The following VPS13D variants were observed in gnomAD, a reference collection of about 807,000 sequenced individuals.
VPS13D encodes the protein vacuolar protein sorting 13 homolog D.
In VPS13D, 187 loss-of-function variants were observed where a neutral mutation model predicts 461.9. That is an observed-to-expected ratio of 0.40 (90% confidence interval 0.36 to 0.46). The LOEUF (loss-of-function observed/expected upper bound fraction) is 0.46, where lower values mean the gene tolerates loss of function less well. Among genes scored for constraint, VPS13D ranks in the 20% least tolerant of loss-of-function variants. The probability of loss-of-function intolerance (pLI) is 0.60; values close to 1 mark genes in which losing one functional copy is unlikely to be tolerated. For missense variants in VPS13D, 4,711 were observed against 5,364.9 expected (o/e 0.88, Z 3.81); for synonymous variants, 1,951 against 1,986.3 (o/e 0.98, Z 0.47).
chr1:12,483,385 G>C (rs931379838), intron 67 of VPS13D, among the ~76,000 whole-genome samples: 6 of 152,164 alleles, frequency 3.9e-5, no homozygotes, highest in Admixed American at 6.5e-5. Context: ...TCGTGTTTCA[G>C]TTGGCCATTT....
chr1:12,347,902 G>C (rs908250317), intron 44 of VPS13D, among the ~76,000 whole-genome samples: 1 of 152,172 alleles, frequency 6.6e-6, no homozygotes, highest in Non-Finnish European at 1.5e-5. Flanking sequence ...TTGAATGTGT[G>C]AATGAACATA....
chr1:12,287,863 A>G (rs565669964), intron 21 of VPS13D, among the ~76,000 whole-genome samples: 2 of 152,200 alleles, frequency 1.3e-5, no homozygotes. Flanking sequence ...TGAAAAATTT[A>G]TCAAAATGAG....
In VPS13D at chr1:12,400,221, T is replaced by C; in HGVS notation, c.11675T>C (p.Leu3892Pro). Residue 3892 changes from leucine (L) to proline (P), a missense_variant, in exon 61 of 70, where the codon CTC (leucine) becomes CCC (proline). Around this residue, in one of 3 missense-constraint regions of VPS13D, gnomAD observed 4,411 missense variants for 4,937.8 expected, o/e 0.89. Transcript: ENST00000620676. The part of the protein sequence containing the change: ...QLIGTTQPFM[L>P]YVTPLSNENE... ...ATTGGTACCACGCAGCCCTTCATGC[T>C]CTATGTGACTCCCCTGAGCAATGAG... is the stretch of plus-strand genomic sequence containing the variant. 1 of 1,614,144 alleles carries C rather than the reference T, an allele frequency of 6.2e-7. No individual in the cohort carries two copies. Among genetic ancestry groups the C allele is most frequent in the Non-Finnish European group, 8.5e-7 (1 of 1,180,026 alleles).
At chr1:12,312,051 CTTTTGGT>C in intron 29 of VPS13D, 126 bp downstream of exon 29, 1 of 627,114 alleles carries the variant, frequency 1.6e-6, no homozygotes, top group Non-Finnish European at 2.5e-6. Flanking sequence ...TGCAGAGTGT[CTTTTGGT>C]TGATCTACAC....
intron 65 of VPS13D, among the ~76,000 whole-genome samples, chr1:12,450,602 G>A (rs938321281): frequency 6.6e-6 from 1 of 152,156 alleles, no homozygotes. Context: ...TAGGGCAGCC[G>A]CAGCTCCTAG....
chr1:12,347,215 G>T (rs886870851), intron 44 of VPS13D, among the ~76,000 whole-genome samples: 1 of 151,812 alleles, frequency 6.6e-6, no homozygotes, highest in African/African-American at 2.4e-5. Context: ...CTGTTGCCCA[G>T]GCTGGAATGC....
In VPS13D at chr1:12,315,137, T is replaced by C. The variant is rs1569883690; in HGVS notation, c.7148+810T>C. 2.6e-5 allele frequency among the ~76,000 whole-genome samples: 4 copies of C among 152,344 alleles called. 1 individual carries two copies. The South Asian group carries it at 8.3e-4, about 32-fold the overall frequency. ...ATTAGGCCTGGTCTAAAGAAGTCTT[T>C]CAGTGAAAACCCAAAAAGGAGACCC... On this transcript the variant is annotated intron_variant, in intron 30 of 69. Transcript: ENST00000620676.
At position 12,506,939 on chromosome 1, in the gene VPS13D, A is replaced by G. The variant is rs749600069; in HGVS notation, c.12881A>G (p.Asp4294Gly). 1 of 1,614,268 alleles carries G rather than the reference A, an allele frequency of 6.2e-7. No homozygotes were observed. The highest frequency in any genetic ancestry group is 8.5e-7 in the Non-Finnish European group (1 of 1,180,048). The stretch of plus-strand genomic sequence containing the variant: ...TTCCTGAAAAGTGGAGACTACGTGG[A>G]TCGAGAAGCCATTTTCCTAGAAGTC... Reference protein sequence around the residue: ...VYFLKSGDYVDREAIFLEVKY... With the variant: ...VYFLKSGDYVGREAIFLEVKY... The change falls in exon 69 of 70, where the codon GAT becomes GGT. Residue 4294 changes from aspartate (D) to glycine (G), a missense_variant. Asp to Gly is a moderately conservative substitution (Grantham distance 94, BLOSUM62 -1). Coordinates refer to ENST00000620676, the MANE Select transcript of VPS13D (RefSeq NM_015378.4).
At chr1:12,309,875 A>G (rs945731555) in intron 27 of VPS13D, among the ~76,000 whole-genome samples, 11 of 151,906 alleles carry the variant, frequency 7.2e-5, no homozygotes, top group African/African-American at 2.7e-4. Flanking sequence ...CAAGTCATTT[A>G]ATGTCACTTT....
chr1:12,400,986 AC>A (rs1644571038), intron 61 of VPS13D, among the ~76,000 whole-genome samples: 3 of 150,876 alleles, frequency 2.0e-5, no homozygotes, highest in Non-Finnish European at 2.9e-5. Flanking sequence ...ACACACACAC[AC>A]ACACACACAC....
Position 12,378,424 on chromosome 1 carries a change from A to G in VPS13D, c.10918-4A>G. ...TTCTCTTTTTGCTTGTACCTACTTA[A>G]CAGGAACCAGGAAAGCGTTCTCAGC... On this transcript the variant is annotated splice_region_variant and splice_polypyrimidine_tract_variant and intron_variant, in intron 55 of 69. Transcript: ENST00000620676. 1 of 1,596,926 alleles carries G rather than the reference A, an allele frequency of 6.3e-7. No individual in the cohort carries two copies. The highest frequency in any genetic ancestry group is 8.5e-7 in the Non-Finnish European group (1 of 1,172,862).
chr1:12,360,494 C>G (rs1314105687), intron 50 of VPS13D, among the ~76,000 whole-genome samples: 1 of 152,044 alleles, frequency 6.6e-6, no homozygotes, highest in Admixed American at 6.6e-5. Context: ...GGAAAGAAGC[C>G]CACCTTTTTC....
At chr1:12,352,965 C>CAAAAAAAAAAAAAAAAAAAAAAAA (rs61588046) in intron 46 of VPS13D, among the ~76,000 whole-genome samples, 1 of 17,588 alleles carries the variant, frequency 5.7e-5, no homozygotes, top group African/African-American at 2.0e-4. Context: ...AACTCAGTCT[C>CAAAAAAAAAAAAAAAAAAAAAAAA]AAAAAAAAAA....
chr1:12,478,671 G>C, intron 67 of VPS13D: 2 of 398,246 alleles, frequency 5.0e-6, no homozygotes, highest in African/African-American at 2.1e-5. Flanking sequence ...AGGAAGAAAC[G>C]CTGTCTAGAG....
chr1:12,498,944 A>T (rs1420606683), intron 68 of VPS13D, among the ~76,000 whole-genome samples: 2 of 152,068 alleles, frequency 1.3e-5, no homozygotes, highest in African/African-American at 4.8e-5. Context: ...CCACATATGA[A>T]TTGGCGGGGA....
At chr1:12,428,901 A>G (rs1644958150) in intron 65 of VPS13D, among the ~76,000 whole-genome samples, 1 of 152,210 alleles carries the variant, frequency 6.6e-6, no homozygotes, top group Non-Finnish European at 1.5e-5. Context: ...AAGTAATGAT[A>G]ATCCAGAGGA....
chr1:12,316,344 A>G (rs1185509658), intron 30 of VPS13D, among the ~76,000 whole-genome samples: 1 of 152,082 alleles, frequency 6.6e-6, no homozygotes, highest in African/African-American at 2.4e-5. Context: ...GAATTTTTGA[A>G]CGCCTTTCGT....
At chr1:12,269,464 A>G (rs963172645) in intron 16 of VPS13D, among the ~76,000 whole-genome samples, 6 of 152,256 alleles carry the variant, frequency 3.9e-5, no homozygotes, top group Admixed American at 2.6e-4. Context: ...AATGATCTCC[A>G]TACTTTTTAT....
At chr1:12,476,527 TTGTCCTGGGAGA>T (rs1645633325) in intron 67 of VPS13D, among the ~76,000 whole-genome samples, 1 of 152,240 alleles carries the variant, frequency 6.6e-6, no homozygotes, top group South Asian at 2.1e-4. Flanking sequence ...GCTTTGTAGA[TTGTCCTGGGAGA>T]TGTGGCATAT....
Sources: allele counts gnomAD v4.1 joint callset (sites outside exome capture counted in the v4.1 genomes callset), GRCh38; gene constraint gnomAD v4.1.1; regional missense constraint gnomAD v4.1.1; transcripts MANE v1.5; gene names NCBI Gene and HGNC (gene_info 2026-07-23, HGNC 2026-07-21).